The following CAMK1D variants were observed in gnomAD, a reference collection of about 807,000 sequenced individuals.
CAMK1D encodes calcium/calmodulin dependent protein kinase ID, also known as calcium/calmodulin-dependent protein kinase type 1D.
A neutral mutation model predicts 47.7 loss-of-function variants in CAMK1D; 9 were observed. That is an observed-to-expected ratio of 0.19 (90% CI 0.11 to 0.33). CAMK1D has a LOEUF of 0.33. CAMK1D is among the 10% of genes least tolerant of loss of function. The probability of loss-of-function intolerance (pLI) is 1.00; values close to 1 mark genes in which losing one functional copy is unlikely to be tolerated. For missense variants in CAMK1D, 291 were observed against 488.7 expected (o/e 0.60, Z 3.81); for synonymous variants, 184 against 184.9 (o/e 0.99, Z 0.04).
At chr10:12,448,898 G>A (rs979610219) in intron 1 of CAMK1D, among the ~76,000 whole-genome samples, 4 of 150,552 alleles carry the variant, frequency 2.7e-5, no homozygotes, top group East Asian at 2.0e-4. Context: ...GGTTTTGGTG[G>A]TTTTCTTAAC....
rs534334170 is a variant in CAMK1D, at chr10:12,612,371, C to T, written c.225-54365C>T. On this transcript the variant is annotated intron_variant, in intron 2 of 10. Coordinates refer to ENST00000619168, the MANE Select transcript of CAMK1D (RefSeq NM_153498.4). ...TTTTTTTTTTTTTTGAGACAGGGTC[C>T]CTATCTCTTGCCCAGGCTGGAGTGC... 2.8e-4 allele frequency among the ~76,000 whole-genome samples: 42 copies of T among 147,870 alleles called. No individual in the cohort carries two copies. The South Asian group carries it at 8.3e-3, about 29-fold the overall frequency.
chr10:12,360,625 A>C (rs1837631006), intron 1 of CAMK1D, among the ~76,000 whole-genome samples: 1 of 152,330 alleles, frequency 6.6e-6, no homozygotes, highest in South Asian at 2.1e-4. Context: ...CTTTTTCTCA[A>C]TACTTGATTA....
intron 1 of CAMK1D, 40 bp from the exon 2 acceptor site, chr10:12,553,185 T>C (rs1836644312): frequency 1.2e-6 from 2 of 1,612,504 alleles, no homozygotes; most frequent in African/African-American, 1.3e-5. Context: ...GAAACTGGAC[T>C]TCTGCATCTA....
At chr10:12,819,308 G>A (rs116878192) in intron 8 of CAMK1D, among the ~76,000 whole-genome samples, 2 of 152,218 alleles carry the variant, frequency 1.3e-5, no homozygotes, top group East Asian at 3.9e-4. Flanking sequence ...TACAACACGG[G>A]AGCTTAAAAC....
intron 1 of CAMK1D, among the ~76,000 whole-genome samples, chr10:12,436,131 C>T (rs11812324): frequency 1.9e-3 from 287 of 152,290 alleles, no homozygotes; most frequent in African/African-American, 6.3e-3. Context: ...AATGGCTTTC[C>T]GGGCCCCGGC....
chr10:12,723,313 A>G (rs527874287), intron 3 of CAMK1D, among the ~76,000 whole-genome samples: 2 of 152,208 alleles, frequency 1.3e-5, no homozygotes, highest in African/African-American at 2.4e-5. Flanking sequence ...GACCTCTTCC[A>G]TGTAACAGAT....
At chr10:12,795,331 G>A (rs941750560) in intron 6 of CAMK1D, among the ~76,000 whole-genome samples, 5 of 152,166 alleles carry the variant, frequency 3.3e-5, no homozygotes, top group Admixed American at 6.5e-5. Context: ...TTTAAGCAGC[G>A]TTAGACATCA....
chr10:12,594,702 C>G (rs1038553309), intron 2 of CAMK1D, among the ~76,000 whole-genome samples: 4 of 152,228 alleles, frequency 2.6e-5, no homozygotes, highest in African/African-American at 9.6e-5. Flanking sequence ...GGCAGTTTGT[C>G]TGCTGGAAAA....
intron 3 of CAMK1D, among the ~76,000 whole-genome samples, chr10:12,708,313 G>C (rs1423495148): frequency 1.3e-5 from 2 of 151,638 alleles, no homozygotes; most frequent in African/African-American, 4.8e-5. Context: ...TGCTGTTTAT[G>C]AAAGAGATGG....
chr10:12,674,034 C>T (rs530228233), intron 3 of CAMK1D, among the ~76,000 whole-genome samples: 10 of 152,194 alleles, frequency 6.6e-5, no homozygotes, highest in Non-Finnish European at 1.3e-4. Flanking sequence ...CAGCCTCCAA[C>T]TCCTGGGCTC....
chr10:12,623,341 T>C (rs1395242962), intron 2 of CAMK1D, among the ~76,000 whole-genome samples: 1 of 856 alleles, frequency 1.2e-3, no homozygotes. Flanking sequence ...CCCTCCTTTC[T>C]TTCCTCCCTC....
intron 2 of CAMK1D, among the ~76,000 whole-genome samples, chr10:12,589,863 C>T (rs1047319724): frequency 2.0e-5 from 3 of 152,146 alleles, no homozygotes; most frequent in Admixed American, 6.5e-5. Context: ...TTGTAAAATA[C>T]AGAGTTGCTG....
rs566442916 is a variant in CAMK1D at position 12,515,671 on chromosome 10, G to A, written c.93-37554G>A. On this transcript the variant is annotated intron_variant, in intron 1 of 10. Transcript: ENST00000619168. ...TTTTCTCAGGCCGGAGTGCAGTGGC[G>A]CGATCTTGGCTCACTGCAAGCTTCA... Among the ~76,000 whole-genome samples, 145 of 148,124 alleles carry A rather than the reference G, an allele frequency of 9.8e-4. 2 individuals carry two copies. In the South Asian group the frequency reaches 0.021, roughly 22 times the overall value.
intron 1 of CAMK1D, among the ~76,000 whole-genome samples, chr10:12,405,372 C>T (rs560082861): frequency 1.3e-5 from 2 of 152,252 alleles, no homozygotes; most frequent in African/African-American, 4.8e-5. Context: ...CACTCATCAG[C>T]GAGCCTCGGA....
chr10:12,665,739 G>A (rs1216909991), intron 2 of CAMK1D, among the ~76,000 whole-genome samples: 2 of 152,216 alleles, frequency 1.3e-5, no homozygotes, highest in East Asian at 3.8e-4. Context: ...GAATTCGGCT[G>A]TTTCCTTCTG....
At chr10:12,599,694 T>TA (rs1344940009) in intron 2 of CAMK1D, among the ~76,000 whole-genome samples, 1 of 152,164 alleles carries the variant, frequency 6.6e-6, no homozygotes, top group Non-Finnish European at 1.5e-5. Flanking sequence ...ATGCTGGTGT[T>TA]TTCTGAGCAT....
intron 2 of CAMK1D, among the ~76,000 whole-genome samples, chr10:12,589,340 A>G (rs1372179214): frequency 6.6e-6 from 1 of 152,170 alleles, no homozygotes; most frequent in Non-Finnish European, 1.5e-5. Flanking sequence ...TAGGGAACAG[A>G]TTGTGCAAAC....
chr10:12,373,136 T>C (rs181588321), intron 1 of CAMK1D, among the ~76,000 whole-genome samples: 4 of 152,182 alleles, frequency 2.6e-5, no homozygotes, highest in Admixed American at 2.0e-4. Flanking sequence ...CGCTTCTTCC[T>C]GGAAATTGGT....
At chr10:12,611,740 T>C (rs1313202425) in intron 2 of CAMK1D, among the ~76,000 whole-genome samples, 1 of 151,856 alleles carries the variant, frequency 6.6e-6, no homozygotes, top group African/African-American at 2.4e-5. Context: ...TACAGACACG[T>C]GCCACCACGC....
Sources: gnomAD v4.1 joint callset for allele counts (sites outside exome capture counted in the v4.1 genomes callset) on GRCh38, gnomAD v4.1.1 for gene constraint, MANE v1.5 for transcripts, NCBI Gene and HGNC (gene_info 2026-07-23, HGNC 2026-07-21) for gene names.